AP3M1: variants seen among roughly 807,000 people sequenced by gnomAD.
The protein encoded by AP3M1 is adaptor related protein complex 3 subunit mu 1.
Under a neutral mutation model 42.6 loss-of-function variants are expected in AP3M1, and 29 were observed. That is an observed-to-expected ratio of 0.68 (90% CI 0.51 to 0.93). AP3M1 has a LOEUF of 0.93. Ranked by LOEUF, AP3M1 falls within the 40% of genes least tolerant of loss-of-function variation. The probability of loss-of-function intolerance (pLI) is 0.00; values close to 1 mark genes in which losing one functional copy is unlikely to be tolerated. For missense variants in AP3M1, 416 were observed against 510.2 expected (o/e 0.82, Z 1.78); for synonymous variants, 178 against 175.3 (o/e 1.02, Z -0.12).
At chr10:74,132,675 G>A (rs1840815297) in intron 4 of AP3M1, among the ~76,000 whole-genome samples, 1 of 151,228 alleles carries the variant, frequency 6.6e-6, no homozygotes, top group African/African-American at 2.4e-5. Context: ...CTGCGCCAAT[G>A]CACTCCAGCC....
chr10:74,124,016 A>G (rs1013386824), intron 8 of AP3M1, 106 bp from the exon 9 acceptor site: 21 of 981,960 alleles, frequency 2.1e-5, no homozygotes, highest in Non-Finnish European at 3.3e-5. Flanking sequence ...TGTCCCTTCC[A>G]CCATTTGGAA....
At chr10:74,138,044 A>G (rs1348753422) in intron 2 of AP3M1, 63 bp downstream of exon 2, 1 of 1,503,472 alleles carries the variant, frequency 6.7e-7, no homozygotes, top group Non-Finnish European at 9.0e-7. Context: ...AAATAATATA[A>G]TCATGTCTCA....
intron 5 of AP3M1, 53 bp from the exon 6 acceptor site, chr10:74,129,294 T>C: frequency 1.3e-6 from 2 of 1,572,304 alleles, no homozygotes; most frequent in South Asian, 2.3e-5. Context: ...ATATGGGAAC[T>C]GTACTCAGAT....
At chr10:74,138,788 A>G (rs1467431131) in intron 1 of AP3M1, 4 of 167,556 alleles carry the variant, frequency 2.4e-5, no homozygotes, top group African/African-American at 7.3e-5. Flanking sequence ...AAAATTAGCC[A>G]AGCATGGTGG....
chr10:74,125,270 C>T (rs980425057), intron 7 of AP3M1, among the ~76,000 whole-genome samples: 19 of 152,242 alleles, frequency 1.2e-4, no homozygotes, highest in Admixed American at 3.9e-4. Flanking sequence ...TAAGCCACTG[C>T]GCCCAGCCTC....
At chr10:74,139,449 A>G (rs1430006388) in intron 1 of AP3M1, among the ~76,000 whole-genome samples, 1 of 73,924 alleles carries the variant, frequency 1.4e-5, no homozygotes, top group Non-Finnish European at 3.4e-5. Context: ...CCTCATCTCT[A>G]TTAAAAAAAA....
intron 7 of AP3M1, among the ~76,000 whole-genome samples, chr10:74,125,219 T>A (rs1347708764): frequency 6.6e-6 from 1 of 152,230 alleles, no homozygotes; most frequent in African/African-American, 2.4e-5. Flanking sequence ...CCTCAGGTGA[T>A]CCACCCACCT....
At chr10:74,138,446 G>C in intron 1 of AP3M1, 64 bp from the exon 2 acceptor site, 1 of 1,436,870 alleles carries the variant, frequency 7.0e-7, no homozygotes, top group South Asian at 1.4e-5. Context: ...TACACAAAAA[G>C]ATTATACACC....
chr10:74,132,503 C>A (rs1278004442), intron 4 of AP3M1, among the ~76,000 whole-genome samples: 1 of 151,748 alleles, frequency 6.6e-6, no homozygotes, highest in Non-Finnish European at 1.5e-5. Flanking sequence ...CCAGCCTGGG[C>A]AACATGGTGA....
chr10:74,127,001 A>AT (rs1840638128), intron 6 of AP3M1, among the ~76,000 whole-genome samples: 1 of 129,204 alleles, frequency 7.7e-6, no homozygotes, highest in Non-Finnish European at 1.7e-5. Flanking sequence ...AAAAAAAAAA[A>AT]GTAAAAAATA....
Position 74,143,093 on chromosome 10 carries a change from G to A in AP3M1, c.-3-4711C>T, listed in dbSNP as rs151241552. 5.4e-3 allele frequency among the ~76,000 whole-genome samples: 825 copies of A among 152,348 alleles called. 7 individuals are homozygous for A. Among genetic ancestry groups the A allele is most frequent in the African/African-American group, 0.019 (799 of 41,586 alleles). Reference sequence around the variant, plus strand: ...TGGCCAGGCACAGTGGCTCACGCCTGTAATCCCAGCACTTTGGGAGGCCAA... The same window carrying A: ...TGGCCAGGCACAGTGGCTCACGCCTATAATCCCAGCACTTTGGGAGGCCAA... On this transcript the variant is annotated intron_variant, in intron 1 of 8. Coordinates refer to ENST00000355264, the MANE Select transcript of AP3M1 (RefSeq NM_012095.6).
At chr10:74,136,540 C>A in intron 3 of AP3M1, 92 bp downstream of exon 3, 1 of 1,016,954 alleles carries the variant, frequency 9.8e-7, no homozygotes, top group Non-Finnish European at 1.3e-6. Context: ...CCAAATTGTA[C>A]TACCTTAATA....
chr10:74,149,471 G>C (rs996571445), intron 1 of AP3M1, among the ~76,000 whole-genome samples: 11 of 151,456 alleles, frequency 7.3e-5, no homozygotes, highest in African/African-American at 2.7e-4. Flanking sequence ...TGTATTTTTA[G>C]TAGAGACAGG....
rs1840873167 is a variant in AP3M1, at chr10:74,134,152, A to G, written c.458T>C (p.Val153Ala). The change falls in exon 4 of 9, where the codon GTT (valine) becomes GCT (alanine). Residue 153 changes from valine (V) to alanine (A), a missense_variant. By Grantham distance (64) the Val-to-Ala change is moderately conservative. Coordinates refer to ENST00000355264, the MANE Select transcript of AP3M1 (RefSeq NM_012095.6). ...CTGCCCGGTGGGGAGTGTGTCCCCA[A>G]CATTACTACTGCCTAGAAACCAAAA... Reference protein sequence around the residue: ...VVNSITGSSNVGDTLPTGQLS... With the variant: ...VVNSITGSSNAGDTLPTGQLS... 3.1e-6 allele frequency: 5 copies of G among 1,613,946 alleles called. No homozygotes were observed. Among genetic ancestry groups the G allele is most frequent in the African/African-American group, 2.7e-5 (2 of 74,926 alleles).
chr10:74,138,258 T>C lies in AP3M1; in HGVS notation c.122A>G (p.Asp41Gly). ...YFFEAQEKAA[D>G]VENVPPVIST... ...AATGACAGGTGGTACATTTTCAACA[T>C]CAGCAGCTTTCTCTTGAGCTTCAAA... Residue 41 changes from aspartate (D) to glycine (G), a missense_variant, in exon 2 of 9, where the codon GAT becomes GGT. By Grantham distance (94) the Asp-to-Gly change is moderately conservative. Transcript: ENST00000355264. 1 of 1,613,806 alleles carries C rather than the reference T, an allele frequency of 6.2e-7. No homozygotes were observed. Among genetic ancestry groups the C allele is most frequent in the Non-Finnish European group, 8.5e-7 (1 of 1,179,950 alleles).
Position 74,138,364 on chromosome 10 carries a change from A to G in AP3M1, c.16T>C (p.Phe6Leu). 1 of 1,612,784 alleles carries G rather than the reference A, an allele frequency of 6.2e-7. No individual in the cohort carries two copies. Reference protein sequence around the residue: MIHSLFLINCSGDIFL... With the variant: MIHSLLLINCSGDIFL... ...ATGTCACCGGAACAGTTTATGAGAAATAGACTGTGGATCATTTTCTGTTGG... is the reference window on the plus strand; with the variant it reads ...ATGTCACCGGAACAGTTTATGAGAAGTAGACTGTGGATCATTTTCTGTTGG... The change falls in exon 2 of 9, where the codon TTT becomes CTT. Residue 6 changes from phenylalanine (F) to leucine (L), a missense_variant. Phe to Leu is a conservative substitution (Grantham distance 22, BLOSUM62 0). Transcript: ENST00000355264.
In AP3M1 at chr10:74,129,098, A is replaced by G; in HGVS notation, c.803+10T>C. ...TATGATGGCAGATTCTGGCTGATGC[A>G]TCAACATACTTTTGTGAGCTGACAC... On this transcript the variant is annotated intron_variant, in intron 6 of 8. Coordinates refer to ENST00000355264, the MANE Select transcript of AP3M1 (RefSeq NM_012095.6). 1 of 1,613,804 alleles carries G rather than the reference A, an allele frequency of 6.2e-7. No individual in the cohort carries two copies. The highest frequency in any genetic ancestry group is 8.5e-7 in the Non-Finnish European group (1 of 1,179,854).
intron 1 of AP3M1, among the ~76,000 whole-genome samples, chr10:74,149,729 G>A (rs1841482398): frequency 6.6e-6 from 1 of 151,872 alleles, no homozygotes; most frequent in South Asian, 2.1e-4. Flanking sequence ...TCTCTTCTGG[G>A]AGACAAGACT....
In AP3M1 at chr10:74,138,198, C is replaced by T. The variant is rs199523681; in HGVS notation, c.182G>A (p.Arg61Gln). ...TPHHYLISIY[R>Q]DKLFFVSVIQ... ...GACAGATACAAAGAAGAGCTTATCC[C>T]GGTAGATACTGATGAGGTAGTGGTG... is the stretch of plus-strand genomic sequence containing the variant. Residue 61 changes from arginine (R) to glutamine (Q), a missense_variant, in exon 2 of 9, where the codon CGG becomes CAG. Coordinates refer to ENST00000355264, the MANE Select transcript of AP3M1 (RefSeq NM_012095.6). 69 of 1,614,066 alleles carry T rather than the reference C, an allele frequency of 4.3e-5. No homozygotes were observed. In the Admixed American group the frequency reaches 6.8e-4, roughly 16 times the overall value.
Sources: allele counts gnomAD v4.1 joint callset (sites outside exome capture counted in the v4.1 genomes callset), GRCh38; gene constraint gnomAD v4.1.1; transcripts MANE v1.5; gene names NCBI Gene and HGNC (gene_info 2026-07-23, HGNC 2026-07-21).